The following PROM2 variants were observed in gnomAD, a reference collection of about 807,000 sequenced individuals.
The protein encoded by PROM2 is prominin 2.
In PROM2, 90 loss-of-function variants were observed where a neutral mutation model predicts 110.2. The observed-to-expected ratio is 0.82, with a 90% CI of 0.69 to 0.97. The LOEUF (loss-of-function observed/expected upper bound fraction) is 0.97, where lower values mean the gene tolerates loss of function less well. Among genes scored for constraint, PROM2 ranks in the 50% least tolerant of loss-of-function variants. PROM2 has a pLI of 0.00. For synonymous variants in PROM2, 470 were observed against 467.8 expected, an observed-to-expected ratio of 1.00 and a Z score of -0.06; for missense variants, 1,009 against 1,074.8, an observed-to-expected ratio of 0.94 and a Z score of 0.86.
intron 7 of PROM2, 50 bp downstream of exon 7, chr2:95,277,616 T>G: frequency 6.8e-7 from 1 of 1,459,860 alleles, no homozygotes; most frequent in Non-Finnish European, 9.1e-7. Context: ...GCTAGCTGCC[T>G]GCTGCTCCTG....
Position 95,278,971 on chromosome 2 carries a change from G to C in PROM2, c.1115-14G>C, listed in dbSNP as rs766774264. On this transcript the variant is annotated splice_polypyrimidine_tract_variant and intron_variant, in intron 9 of 23. Transcript: ENST00000317620. ...TGCCCTCCGCATCCCACAAGTCCCT[G>C]TTACTTTGGGCAGAGCTGAAGAAGG... 1.3e-6 allele frequency: 2 copies of C among 1,598,234 alleles called. No individual in the cohort carries two copies. Among genetic ancestry groups the C allele is most frequent in the African/African-American group, 2.7e-5 (2 of 74,678 alleles).
In PROM2 at chr2:95,276,501, A is replaced by C. The variant is rs1439409725; in HGVS notation, c.619-93A>C. ...TGAGAGTCGACCACCCTCAGGGTGG[A>C]TGCCATAGGGGCAGGGAAGGGGCCA... is the stretch of plus-strand genomic sequence containing the variant. On this transcript the variant is annotated intron_variant, in intron 4 of 23. Coordinates refer to ENST00000317620, the MANE Select transcript of PROM2 (RefSeq NM_001165978.3). This position sits in a 1 kb window ranked among gnomAD's most constrained non-coding sequence, Gnocchi z 4.6. 1.2e-6 allele frequency: 2 copies of C among 1,600,284 alleles called. No homozygotes were observed. The highest frequency in any genetic ancestry group is 1.7e-6 in the Non-Finnish European group (2 of 1,168,736).
rs149075878 is a variant in PROM2, at chr2:95,275,890, TG to T, written c.295-35del. 8.1e-4 allele frequency: 1,276 copies of T among 1,579,016 alleles called. 4 individuals are homozygous for T. The African/African-American group carries it at 0.013, about 16-fold the overall frequency. On this transcript the variant is annotated intron_variant, in intron 2 of 23. Coordinates refer to ENST00000317620, the MANE Select transcript of PROM2 (RefSeq NM_001165978.3). The surrounding 1 kb of genome is among the most constrained non-coding windows in gnomAD (Gnocchi z 4.4). The stretch of plus-strand genomic sequence containing the variant: ...TCAGGCAGAAGCCAGGGCTGGGCAG[TG>T]GGGGTCGGGTCACCCCTCATGCCCT...
At position 95,275,954 on chromosome 2, in the gene PROM2, G is replaced by A. The variant is rs142809353; in HGVS notation, c.319G>A (p.Val107Met). ...NEVVRYEAGY[V>M]VCAVIAGLYL... ...GGTGGTGCGGTACGAGGCGGGCTAC[G>A]TGGTATGCGCTGTGATCGCGGGCCT... is the stretch of plus-strand genomic sequence containing the variant. The change falls in exon 3 of 24, where the codon GTG becomes ATG. Residue 107 changes from valine (V) to methionine (M), a missense_variant. Val to Met is a conservative substitution (Grantham distance 21). Coordinates refer to ENST00000317620, the MANE Select transcript of PROM2 (RefSeq NM_001165978.3). The surrounding 1 kb of genome is among the most constrained non-coding windows in gnomAD (Gnocchi z 4.4). The A allele has an allele frequency of 2.6e-3, 4,216 of 1,612,146 alleles. 5 individuals are homozygous for A. Among genetic ancestry groups the A allele is most frequent in the Non-Finnish European group, 3.4e-3 (3,989 of 1,179,718 alleles).
Position 95,281,366 on chromosome 2 carries a change from G to T in PROM2, c.1551+1G>T. 1 of 1,592,200 alleles carries T rather than the reference G, an allele frequency of 6.3e-7. No individual in the cohort carries two copies. ...CTGGGAGAACGGCGAGCTCTTTGAG[G>T]TAGGCCTGTCTCTGCTCACAGGCCC... On this transcript the variant is annotated splice_donor_variant, in intron 12 of 23. Coordinates refer to ENST00000317620, the MANE Select transcript of PROM2 (RefSeq NM_001165978.3). LOFTEE classifies it high-confidence loss of function.
In PROM2 at chr2:95,275,937, G is replaced by A. The variant is rs200100676; in HGVS notation, c.302G>A (p.Arg101Gln). Residue 101 changes from arginine to glutamine, a missense_variant, in exon 3 of 24, where the codon CGG becomes CAG. Coordinates refer to ENST00000317620, the MANE Select transcript of PROM2 (RefSeq NM_001165978.3). The surrounding 1 kb of genome is among the most constrained non-coding windows in gnomAD (Gnocchi z 4.4). Reference protein sequence around the residue: ...LASVKVNEVVRYEAGYVVCAV... With the variant: ...LASVKVNEVVQYEAGYVVCAV... ...GCCCTGCTGCCTGCCCAGGTGGTGC[G>A]GTACGAGGCGGGCTACGTGGTATGC... 9 of 1,609,938 alleles carry A rather than the reference G, an allele frequency of 5.6e-6. No individual in the cohort carries two copies. Among genetic ancestry groups the A allele is most frequent in the African/African-American group, 2.7e-5 (2 of 75,048 alleles).
intron 22 of PROM2, 49 bp downstream of exon 22, chr2:95,288,638 C>A: frequency 6.6e-7 from 1 of 1,512,386 alleles, no homozygotes; most frequent in Non-Finnish European, 9.1e-7. Flanking sequence ...AGGGAGGTGT[C>A]CTTTCAGCCG....
intron 21 of PROM2, 75 bp downstream of exon 21, chr2:95,288,375 G>A: frequency 6.3e-7 from 1 of 1,593,054 alleles, no homozygotes; most frequent in Admixed American, 1.7e-5. Flanking sequence ...GGCCGGGTGA[G>A]CAGGGTGTGA....
At position 95,276,867 on chromosome 2, in the gene PROM2, C is replaced by G. The variant is rs377396030; in HGVS notation, c.683-105C>G. 857 of 1,291,654 alleles carry G rather than the reference C, an allele frequency of 6.6e-4. 11 individuals carry two copies. In the South Asian group the frequency reaches 7.7e-3, roughly 12 times the overall value. The allele number at this position is 1,291,654 out of a possible 1,614,324, so 80.0% of individuals were successfully genotyped here. A position where few individuals can be genotyped will look rare whatever the true frequency, so the allele number is the denominator to read the frequency against. On this transcript the variant is annotated intron_variant, in intron 5 of 23. Transcript: ENST00000317620. The surrounding 1 kb of genome is among the most constrained non-coding windows in gnomAD (Gnocchi z 4.6). The stretch of plus-strand genomic sequence containing the variant: ...CCCGCTCCTTCACTCCCCTCCACCC[C>G]CCGGCTCCTGCAGAGCCCGGTGGGG...
chr2:95,286,809 GCTCAAC>G lies in PROM2; in HGVS notation c.2051_2056del (p.Asn684_Leu685del). ...CCCTGATCTCTTCTCCACAGGCAAAGCTCAACCTCAGCGTCAGGGCCCTGGAGTCCT... is the reference window on the plus strand; with the variant it reads ...CCCTGATCTCTTCTCCACAGGCAAAGCTCAGCGTCAGGGCCCTGGAGTCCT... On this transcript the variant is annotated inframe_deletion, in exon 18 of 24. Transcript: ENST00000317620. 6.2e-7 allele frequency: 1 copy of G among 1,612,926 alleles called. No homozygotes were observed. Among genetic ancestry groups the G allele is most frequent in the Non-Finnish European group, 8.5e-7 (1 of 1,179,700 alleles).
Position 95,290,685 on chromosome 2 carries a change from T to C in PROM2, c.*1472T>C, listed in dbSNP as rs530837933. 2 of 152,212 alleles carry C rather than the reference T, an allele frequency of 1.3e-5. No homozygotes were observed. Among genetic ancestry groups the C allele is most frequent in the Non-Finnish European group, 2.9e-5 (2 of 68,040 alleles). The allele number at this position is 152,212 out of a possible 1,614,324, so 9.4% of individuals were successfully genotyped here. On this transcript the variant is annotated 3_prime_UTR_variant, in exon 24 of 24. Coordinates refer to ENST00000317620, the MANE Select transcript of PROM2 (RefSeq NM_001165978.3). ...CTCAGTGGATGGAAGCTGCCTATTA[T>C]TATTGTCGTTGTTGTTGTTTGCCAT... is the stretch of plus-strand genomic sequence containing the variant.
Position 95,274,749 on chromosome 2 carries a change from G to T in PROM2, c.164G>T (p.Arg55Leu). Residue 55 changes from arginine (R) to leucine (L), a missense_variant, in exon 1 of 24, where the codon CGT (arginine) becomes CTT (leucine). By Grantham distance (102) the Arg-to-Leu change is moderately radical. Transcript: ENST00000317620. The part of the protein sequence containing the change: ...ARARWLAPRV[R>L]APGLLDSLYG... ...GCCCGGTGGCTGGCCCCTCGAGTTC[G>T]TGCGCCAGGACTCCTGGACTCCCTC... is the stretch of plus-strand genomic sequence containing the variant. 1.2e-6 allele frequency: 2 copies of T among 1,611,632 alleles called. No homozygotes were observed. The highest frequency in any genetic ancestry group is 8.5e-7 in the Non-Finnish European group (1 of 1,179,810).
intron 15 of PROM2, among the ~76,000 whole-genome samples, chr2:95,285,416 C>A (rs1034735102): frequency 2.0e-5 from 3 of 152,234 alleles, no homozygotes; most frequent in Non-Finnish European, 4.4e-5. Context: ...CTTAGTTACA[C>A]CAGAGGGTGC....
chr2:95,276,577 G>A lies in PROM2; in HGVS notation c.619-17G>A, dbSNP rs1558741068. On this transcript the variant is annotated splice_polypyrimidine_tract_variant and intron_variant, in intron 4 of 23. Coordinates refer to ENST00000317620, the MANE Select transcript of PROM2 (RefSeq NM_001165978.3). The surrounding 1 kb of genome is among the most constrained non-coding windows in gnomAD (Gnocchi z 4.6). ...GGTGACCAGGAAGGGCAGCCTCAGGGCCTTGTGTTTGCCTAGGAGCTGCAG... is the reference window on the plus strand; with the variant it reads ...GGTGACCAGGAAGGGCAGCCTCAGGACCTTGTGTTTGCCTAGGAGCTGCAG... 6.2e-7 allele frequency: 1 copy of A among 1,613,966 alleles called. No individual in the cohort carries two copies. Among genetic ancestry groups the A allele is most frequent in the Non-Finnish European group, 8.5e-7 (1 of 1,180,010 alleles).
intron 14 of PROM2, among the ~76,000 whole-genome samples, chr2:95,283,254 T>A (rs1677152735): frequency 6.6e-6 from 1 of 152,126 alleles, no homozygotes; most frequent in Admixed American, 6.5e-5. Flanking sequence ...GCCATGGCTC[T>A]CGAGGGGAGG....
rs553901842 is a variant in PROM2 at position 95,275,926 on chromosome 2, C to G, written c.295-4C>G. On this transcript the variant is annotated splice_polypyrimidine_tract_variant and splice_region_variant and intron_variant, in intron 2 of 23. Transcript: ENST00000317620. This position sits in a 1 kb window ranked among gnomAD's most constrained non-coding sequence, Gnocchi z 4.4. ...TCACCCCTCATGCCCTGCTGCCTGCCCAGGTGGTGCGGTACGAGGCGGGCT... is the reference window on the plus strand; with the variant it reads ...TCACCCCTCATGCCCTGCTGCCTGCGCAGGTGGTGCGGTACGAGGCGGGCT... 2.3e-5 allele frequency: 37 copies of G among 1,607,792 alleles called. No individual in the cohort carries two copies. Among genetic ancestry groups the G allele is most frequent in the Non-Finnish European group, 2.8e-5 (33 of 1,178,256 alleles).
Position 95,281,678 on chromosome 2 carries a change from G to T in PROM2, c.1552-247G>T, listed in dbSNP as rs1371842127. On this transcript the variant is annotated intron_variant, in intron 12 of 23. Coordinates refer to ENST00000317620, the MANE Select transcript of PROM2 (RefSeq NM_001165978.3). ...ACCCTGGTGCCCGGTGAGCTGCGAT[G>T]CTGGACTGGGTTCTCTGCAGAAGAT... Among the ~76,000 whole-genome samples the T allele has an allele frequency of 1.6e-4, 25 of 152,302 alleles. 1 individual carries two copies. The highest frequency in any genetic ancestry group is 5.8e-4 in the African/African-American group (24 of 41,568).
intron 7 of PROM2, 177 bp from the exon 8 acceptor site, chr2:95,277,753 A>C (rs1676761746): frequency 2.6e-6 from 2 of 755,794 alleles, no homozygotes; most frequent in South Asian, 3.6e-5. Context: ...CGTGAACTTC[A>C]TGTGTGTGAG....
At chr2:95,280,295 A>G (rs1573452354) in intron 11 of PROM2, among the ~76,000 whole-genome samples, 1 of 152,106 alleles carries the variant, frequency 6.6e-6, no homozygotes, top group South Asian at 2.1e-4. Context: ...CTGTTTGCCA[A>G]CCCCAGACTA....
Sources: allele counts gnomAD v4.1 joint callset (sites outside exome capture counted in the v4.1 genomes callset), GRCh38; gene constraint gnomAD v4.1.1; non-coding constraint Gnocchi (gnomAD v3.1); transcripts MANE v1.5; gene names NCBI Gene and HGNC (gene_info 2026-07-23, HGNC 2026-07-21).